Variants in RAD51C observed in about 807,000 individuals in gnomAD.
RAD51C encodes the protein RAD51 paralog C.
Under a neutral mutation model 45.0 loss-of-function variants are expected in RAD51C, and 42 were observed. That is an observed-to-expected ratio of 0.93 (90% CI 0.73 to 1.21). The LOEUF (loss-of-function observed/expected upper bound fraction) is 1.21. Ranked by LOEUF, RAD51C falls within the 50% of genes most tolerant of loss-of-function variation. The pLI, the probability that RAD51C is intolerant of heterozygous loss-of-function variation, is 0.00. For missense variants in RAD51C, 474 were observed against 452.2 expected, an observed-to-expected ratio of 1.05 and a Z score of -0.44; for synonymous variants, 172 against 159.8, an observed-to-expected ratio of 1.08 and a Z score of -0.58.
At chr17:58,721,152 C>T (rs1387045941) in intron 6 of RAD51C, among the ~76,000 whole-genome samples, 3 of 152,084 alleles carry the variant, frequency 2.0e-5, no homozygotes, top group South Asian at 2.1e-4. Context: ...CATGGTGGCA[C>T]ACACTTGTAA....
At position 58,732,492 on chromosome 17, in the gene RAD51C, C is replaced by A; in HGVS notation, c.974C>A (p.Thr325Lys). The A allele has an allele frequency of 6.2e-7, 1 of 1,613,012 alleles. No homozygotes were observed. Among genetic ancestry groups the A allele is most frequent in the Non-Finnish European group, 8.5e-7 (1 of 1,179,182 alleles). Reference sequence around the variant, plus strand: ...TCTTTTTCTTTAAGCAGGTTGGCAACATTGTACAAGTCACCCAGCCAGAAG... The same window carrying A: ...TCTTTTTCTTTAAGCAGGTTGGCAAAATTGTACAAGTCACCCAGCCAGAAG... ...FHWDRKQRLA[T>K]LYKSPSQKEC... Residue 325 changes from threonine to lysine, a missense_variant, in exon 8 of 9, where the codon ACA becomes AAA. Coordinates refer to ENST00000337432, the MANE Select transcript of RAD51C (RefSeq NM_058216.3).
rs185145527 is a variant in RAD51C, at chr17:58,725,665, T to C, written c.965+1565T>C. On this transcript the variant is annotated intron_variant, in intron 7 of 8. Transcript: ENST00000337432. ...TACCATGAGTTAACCATTGTATGAA[T>C]TCACCTTCTTACAAATCCTTCCCAA... 2.6e-5 allele frequency among the ~76,000 whole-genome samples: 4 copies of C among 152,218 alleles called. No homozygotes were observed. The East Asian group carries it at 7.7e-4, about 29-fold the overall frequency.
intron 3 of RAD51C, among the ~76,000 whole-genome samples, chr17:58,700,941 G>A (rs940067856): frequency 3.3e-5 from 5 of 152,016 alleles, no homozygotes; most frequent in Non-Finnish European, 5.9e-5. Flanking sequence ...TTGTCATCCA[G>A]GCCGGATTGC....
At position 58,734,588 on chromosome 17, in the gene RAD51C, GTTTTT is replaced by G. The variant is rs34517797; in HGVS notation, c.*385_*389del. The G allele has an allele frequency of 1.3e-3, 130 of 102,408 alleles. No homozygotes were observed. The highest frequency in any genetic ancestry group is 6.6e-3 in the Middle Eastern group (1 of 152). 6.3% of individuals were successfully genotyped at this position (102,408 alleles called of 1,614,324 possible). A position where few individuals can be genotyped will look rare whatever the true frequency, so the allele number is the denominator to read the frequency against. The stretch of plus-strand genomic sequence containing the variant: ...AAGAAACATATCATATTCTTATTGT[GTTTTT>G]TTTTTTTTTTTTTTTTTTGGAGATG... On this transcript the variant is annotated 3_prime_UTR_variant, in exon 9 of 9. Coordinates refer to ENST00000337432, the MANE Select transcript of RAD51C (RefSeq NM_058216.3).
At chr17:58,706,522 T>C (rs1464811290) in intron 4 of RAD51C, 1 of 464,404 alleles carries the variant, frequency 2.2e-6, no homozygotes, top group East Asian at 7.0e-5. Flanking sequence ...CCTACTGCTC[T>C]GTGGGGTGGC....
At chr17:58,697,540 T>TAAA (rs34530914) in intron 3 of RAD51C, among the ~76,000 whole-genome samples, 6 of 103,966 alleles carry the variant, frequency 5.8e-5, no homozygotes, top group South Asian at 3.3e-4. Context: ...CTCTGTCTCT[T>TAAA]AAAAAAAAAA....
intron 4 of RAD51C, chr17:58,709,619 C>T (rs1038834223): frequency 1.6e-5 from 6 of 370,424 alleles, no homozygotes; most frequent in Non-Finnish European, 3.0e-5. Flanking sequence ...TTTTATGAAG[C>T]AATGTCTAAG....
chr17:58,713,162 A>G (rs1399280191), intron 5 of RAD51C, among the ~76,000 whole-genome samples: 1 of 152,156 alleles, frequency 6.6e-6, no homozygotes, highest in African/African-American at 2.4e-5. Context: ...AGGTCATATT[A>G]TACATGCTAT....
intron 7 of RAD51C, among the ~76,000 whole-genome samples, chr17:58,725,457 A>C (rs1017515989): frequency 4.6e-5 from 7 of 152,192 alleles, no homozygotes; most frequent in African/African-American, 1.7e-4. Flanking sequence ...GTTAGTATAC[A>C]GTAGTCTTCT....
intron 7 of RAD51C, among the ~76,000 whole-genome samples, chr17:58,726,989 T>A (rs1023109483): frequency 6.7e-6 from 1 of 149,706 alleles, no homozygotes; most frequent in Non-Finnish European, 1.5e-5. Flanking sequence ...CCCAGCTAAT[T>A]TTTTGTATTT....
At chr17:58,710,149 C>G (rs1214271827) in intron 5 of RAD51C, among the ~76,000 whole-genome samples, 159 bp downstream of exon 5, 1 of 151,792 alleles carries the variant, frequency 6.6e-6, no homozygotes, top group African/African-American at 2.4e-5. Flanking sequence ...AAATTCTGGT[C>G]ATAAGTGTCA....
chr17:58,710,029 C>A (rs34554840), intron 5 of RAD51C, 39 bp downstream of exon 5: 1 of 1,570,890 alleles, frequency 6.4e-7, no homozygotes, highest in South Asian at 1.1e-5. Context: ...ATAACAAAGT[C>A]AAGACTGTAT....
At chr17:58,705,294 A>G (rs987391107) in intron 4 of RAD51C, among the ~76,000 whole-genome samples, 2 of 150,394 alleles carry the variant, frequency 1.3e-5, no homozygotes, top group Non-Finnish European at 3.0e-5. Context: ...CTCATATGAT[A>G]GGGAGGAAAA....
At chr17:58,716,448 G>T (rs574604891) in intron 5 of RAD51C, among the ~76,000 whole-genome samples, 13 of 152,116 alleles carry the variant, frequency 8.5e-5, no homozygotes, top group Non-Finnish European at 1.8e-4. Context: ...CTGAATTTAT[G>T]ATTTTAATTT....
At chr17:58,709,819 T>C in intron 4 of RAD51C, 40 bp from the exon 5 acceptor site, 1 of 1,555,976 alleles carries the variant, frequency 6.4e-7, no homozygotes, top group Non-Finnish European at 8.9e-7. Context: ...TATTATTTTA[T>C]TTTTCGTAAC....
rs555863164 is a variant in RAD51C, at chr17:58,734,044, A to G, written c.1027-74A>G. The G allele has an allele frequency of 2.6e-6, 4 of 1,544,104 alleles. No homozygotes were observed. In the South Asian group the frequency reaches 4.8e-5, roughly 19 times the overall value. ...GAATAAAGTAGCTTTCTTATTAGTTACTTAAAAATATTTCTAAGATCAGTC... is the reference window on the plus strand; with the variant it reads ...GAATAAAGTAGCTTTCTTATTAGTTGCTTAAAAATATTTCTAAGATCAGTC... On this transcript the variant is annotated intron_variant, in intron 8 of 8. Transcript: ENST00000337432.
chr17:58,715,454 CAAA>C (rs35442906), intron 5 of RAD51C, among the ~76,000 whole-genome samples: 13 of 91,186 alleles, frequency 1.4e-4, no homozygotes, highest in Non-Finnish European at 1.7e-4. Flanking sequence ...AACTCTGTCT[CAAA>C]AAAAAAAAAA....
At chr17:58,712,653 T>C (rs1240201290) in intron 5 of RAD51C, among the ~76,000 whole-genome samples, 1 of 150,494 alleles carries the variant, frequency 6.6e-6, no homozygotes, top group Non-Finnish European at 1.5e-5. Context: ...ACCCCATCTC[T>C]ACTAAAAATA....
chr17:58,693,514 A>C (rs2047874464), intron 1 of RAD51C: 1 of 152,296 alleles, frequency 6.6e-6, no homozygotes, highest in Non-Finnish European at 1.5e-5. Context: ...GAAAATACAG[A>C]GGTTTCAATT....
Sources: gnomAD v4.1 joint callset for allele counts (sites outside exome capture counted in the v4.1 genomes callset) on GRCh38, gnomAD v4.1.1 for gene constraint, MANE v1.5 for transcripts, NCBI Gene and HGNC (gene_info 2026-07-23, HGNC 2026-07-21) for gene names.